The following PPP1R12B variants were observed in gnomAD, a reference collection of about 807,000 sequenced individuals.
PPP1R12B encodes myosin phosphatase target subunit 2.
Under a neutral mutation model 126.1 loss-of-function variants are expected in PPP1R12B, and 76 were observed. The ratio of observed to expected loss-of-function variants is 0.60; its 90% CI spans 0.50 to 0.73. The LOEUF is 0.73. Among genes scored for constraint, PPP1R12B ranks in the 30% least tolerant of loss-of-function variants. PPP1R12B has a pLI of 0.00. For missense variants in PPP1R12B, 1,052 were observed against 1,205.1 expected, an observed-to-expected ratio of 0.87 and a Z score of 1.88; for synonymous variants, 356 against 434.7, an observed-to-expected ratio of 0.82 and a Z score of 2.25.
chr1:202,537,522 GATAAT>G (rs1333508841), intron 18 of PPP1R12B, among the ~76,000 whole-genome samples: 1 of 152,180 alleles, frequency 6.6e-6, no homozygotes, highest in Admixed American at 6.5e-5. Flanking sequence ...GATCAGGTGA[GATAAT>G]ATATGTTAAA....
At position 202,495,552 on chromosome 1, in the gene PPP1R12B, T is replaced by C; in HGVS notation, c.2336-18T>C. On this transcript the variant is annotated intron_variant, in intron 16 of 23. Coordinates refer to ENST00000608999, the MANE Select transcript of PPP1R12B (RefSeq NM_002481.4). ...CCCCAGATTCTTAAAGTTCATACTTTATTTTATCTCTGGCCAGAGAATGAA... is the reference window on the plus strand; with the variant it reads ...CCCCAGATTCTTAAAGTTCATACTTCATTTTATCTCTGGCCAGAGAATGAA... 3.7e-6 allele frequency: 6 copies of C among 1,610,532 alleles called. No homozygotes were observed. The highest frequency in any genetic ancestry group is 5.1e-6 in the Non-Finnish European group (6 of 1,176,744).
chr1:202,575,213 G>A lies in PPP1R12B; in HGVS notation c.2863-5261G>A, dbSNP rs138969211. ...TTCAGTCTTCTTGTTAGTCCCAGAA[G>A]CTCTGTGCTCATCCCCTCCATCCGA... On this transcript the variant is annotated intron_variant, in intron 23 of 23. Transcript: ENST00000608999. The A allele has an allele frequency of 5.4e-4, 809 of 1,511,220 alleles. 2 individuals carry two copies. In the African/African-American group the frequency reaches 0.01, roughly 19 times the overall value. 93.6% of individuals were successfully genotyped at this position (1,511,220 alleles called of 1,614,324 possible).
chr1:202,403,139 G>C (rs1666095741), intron 1 of PPP1R12B, among the ~76,000 whole-genome samples: 1 of 152,184 alleles, frequency 6.6e-6, no homozygotes. Context: ...AAGGCTTGGT[G>C]TAACACAGTA....
At chr1:202,392,147 T>A (rs1664223754) in intron 1 of PPP1R12B, among the ~76,000 whole-genome samples, 1 of 151,704 alleles carries the variant, frequency 6.6e-6, no homozygotes, top group Non-Finnish European at 1.5e-5. Context: ...GTACTGAAGA[T>A]AAATGAAAAC....
At chr1:202,450,058 C>T (rs1369990612) in intron 13 of PPP1R12B, among the ~76,000 whole-genome samples, 1 of 152,166 alleles carries the variant, frequency 6.6e-6, no homozygotes, top group Non-Finnish European at 1.5e-5. Flanking sequence ...ATTATTTCAC[C>T]ATTTTGTAAT....
intron 14 of PPP1R12B, among the ~76,000 whole-genome samples, chr1:202,492,608 G>C (rs1679027151): frequency 6.6e-6 from 1 of 152,206 alleles, no homozygotes; most frequent in Non-Finnish European, 1.5e-5. Flanking sequence ...CTTGGGAATT[G>C]ATATTAGAGA....
At chr1:202,494,881 T>C (rs1349232764) in intron 15 of PPP1R12B, among the ~76,000 whole-genome samples, 4 of 152,172 alleles carry the variant, frequency 2.6e-5, no homozygotes, top group Non-Finnish European at 5.9e-5. Flanking sequence ...CCCTACATTC[T>C]GCTTCTTCAT....
intron 1 of PPP1R12B, chr1:202,410,237 C>G (rs188008493): frequency 1.3e-5 from 2 of 152,310 alleles, no homozygotes; most frequent in Admixed American, 1.3e-4. Flanking sequence ...TTCTCCCACT[C>G]TATGGACTGC....
At chr1:202,381,257 A>G (rs1662209728) in intron 1 of PPP1R12B, among the ~76,000 whole-genome samples, 1 of 152,194 alleles carries the variant, frequency 6.6e-6, no homozygotes, top group Admixed American at 6.5e-5. Context: ...AAGAGTCCCT[A>G]GTGATTATCT....
intron 1 of PPP1R12B, among the ~76,000 whole-genome samples, chr1:202,367,356 T>C (rs536217895): frequency 6.6e-6 from 1 of 152,344 alleles, no homozygotes; most frequent in South Asian, 2.1e-4. Context: ...CTGTGCACAG[T>C]GCCTTATTCT....
At chr1:202,358,437 C>A (rs924558064) in intron 1 of PPP1R12B, among the ~76,000 whole-genome samples, 4 of 152,172 alleles carry the variant, frequency 2.6e-5, no homozygotes, top group African/African-American at 9.7e-5. Context: ...AATCCCAGCA[C>A]TTTGGGAGGC....
At chr1:202,579,976 AG>A (rs1328913086) in intron 23 of PPP1R12B, among the ~76,000 whole-genome samples, 2 of 152,244 alleles carry the variant, frequency 1.3e-5, no homozygotes, top group Admixed American at 1.3e-4. Flanking sequence ...ATGGCAAGAA[AG>A]CCGAGTACTG....
At chr1:202,405,341 A>G (rs755026602) in intron 1 of PPP1R12B, among the ~76,000 whole-genome samples, 4 of 152,296 alleles carry the variant, frequency 2.6e-5, no homozygotes, top group Middle Eastern at 3.4e-3. Context: ...ATCTCTTATG[A>G]ATGAAACCTG....
intron 18 of PPP1R12B, among the ~76,000 whole-genome samples, chr1:202,548,808 C>CTATATA (rs370219273): frequency 2.4e-3 from 174 of 72,976 alleles, no homozygotes; most frequent in Admixed American, 4.4e-3. Context: ...CTCTCTCTCT[C>CTATATA]TATATATATA....
chr1:202,531,866 G>A (rs539373231), intron 18 of PPP1R12B, among the ~76,000 whole-genome samples: 2 of 152,306 alleles, frequency 1.3e-5, no homozygotes, highest in African/African-American at 4.8e-5. Flanking sequence ...TACTAGAAAA[G>A]CAGTCCGATC....
chr1:202,445,214 T>C (rs1672085899), intron 12 of PPP1R12B: 10 of 1,246,510 alleles, frequency 8.0e-6, no homozygotes, highest in Non-Finnish European at 2.0e-6. Context: ...CTACTGCATC[T>C]GTACATCATG....
chr1:202,371,858 C>CTTTTTTTTTTTTTTTTTTTTTTTTTT (rs1193939057), intron 1 of PPP1R12B, among the ~76,000 whole-genome samples: 1 of 75,342 alleles, frequency 1.3e-5, no homozygotes. Context: ...ATTATAGTTT[C>CTTTTTTTTTTTTTTTTTTTTTTTTTT]TTTTTTTTTT....
intron 18 of PPP1R12B, among the ~76,000 whole-genome samples, chr1:202,507,813 C>T (rs1206608069): frequency 2.0e-5 from 3 of 152,184 alleles, no homozygotes; most frequent in Non-Finnish European, 2.9e-5. Flanking sequence ...AGAGTTACCT[C>T]GGTTACAGAA....
intron 18 of PPP1R12B, among the ~76,000 whole-genome samples, chr1:202,554,832 G>T (rs1439399051): frequency 6.6e-6 from 1 of 151,906 alleles, no homozygotes; most frequent in Non-Finnish European, 1.5e-5. Flanking sequence ...GCAGAAGTAA[G>T]AGCGTAGGTC....
Sources: allele counts gnomAD v4.1 joint callset (sites outside exome capture counted in the v4.1 genomes callset), GRCh38; gene constraint gnomAD v4.1.1; transcripts MANE v1.5; gene names NCBI Gene and HGNC (gene_info 2026-07-23, HGNC 2026-07-21).